ATXN7L1: variants seen among roughly 807,000 people sequenced by gnomAD.
The protein encoded by ATXN7L1 is ataxin 7 like 1, also known as ataxin-7-like protein 1.
In ATXN7L1, 15 loss-of-function variants were observed where a neutral mutation model predicts 70.8. The observed-to-expected ratio is 0.21, with a 90% CI of 0.14 to 0.33. ATXN7L1 has a LOEUF of 0.33. Among genes scored for constraint, ATXN7L1 ranks in the 10% least tolerant of loss-of-function variants. The pLI, the probability that ATXN7L1 is intolerant of heterozygous loss-of-function variation, is 1.00. For missense variants in ATXN7L1, 975 were observed against 1,097.1 expected (o/e 0.89, Z 1.57); for synonymous variants, 440 against 445.1 (o/e 0.99, Z 0.14).
chr7:105,806,365 C>T (rs1048605984), intron 2 of ATXN7L1, among the ~76,000 whole-genome samples: 5 of 152,110 alleles, frequency 3.3e-5, no homozygotes, highest in African/African-American at 9.7e-5. Context: ...ACTCACCATG[C>T]GGGCACCCTG....
intron 3 of ATXN7L1, among the ~76,000 whole-genome samples, chr7:105,715,875 G>C (rs917719789): frequency 3.3e-5 from 5 of 152,146 alleles, no homozygotes; most frequent in African/African-American, 1.2e-4. Flanking sequence ...CTCCATTTCT[G>C]GGCATATGGA....
At chr7:105,618,304 T>TGTA (rs1794228879) in intron 9 of ATXN7L1, among the ~76,000 whole-genome samples, 1 of 152,206 alleles carries the variant, frequency 6.6e-6, no homozygotes, top group African/African-American at 2.4e-5. Flanking sequence ...TCACCCCACG[T>TGTA]GTAGCACCAA....
intron 2 of ATXN7L1, among the ~76,000 whole-genome samples, chr7:105,856,428 A>G (rs538721846): frequency 1.3e-5 from 2 of 152,210 alleles, no homozygotes; most frequent in South Asian, 4.1e-4. Flanking sequence ...TCTATTAAAA[A>G]TACAAAAATT....
chr7:105,790,343 T>A (rs1275402650), intron 2 of ATXN7L1, among the ~76,000 whole-genome samples: 1 of 152,188 alleles, frequency 6.6e-6, no homozygotes, highest in Non-Finnish European at 1.5e-5. Context: ...GGCTTACACC[T>A]GTAATCCCAG....
intron 2 of ATXN7L1, among the ~76,000 whole-genome samples, chr7:105,829,411 C>A (rs1811299504): frequency 6.6e-6 from 1 of 152,150 alleles, no homozygotes; most frequent in South Asian, 2.1e-4. Context: ...CCATTGCACT[C>A]ATTGCACTCC....
At chr7:105,863,709 G>A (rs1236308082) in intron 2 of ATXN7L1, among the ~76,000 whole-genome samples, 2 of 152,130 alleles carry the variant, frequency 1.3e-5, no homozygotes, top group Non-Finnish European at 2.9e-5. Flanking sequence ...ACCTCTCTGA[G>A]CCTCAGCTTC....
intron 3 of ATXN7L1, among the ~76,000 whole-genome samples, chr7:105,718,185 G>A (rs1285530751): frequency 1.3e-5 from 2 of 152,276 alleles, no homozygotes; most frequent in African/African-American, 2.4e-5. Context: ...ACCTTGGATC[G>A]AGTCCTGTAG....
At chr7:105,858,493 G>A (rs539684060) in intron 2 of ATXN7L1, among the ~76,000 whole-genome samples, 1 of 152,318 alleles carries the variant, frequency 6.6e-6, no homozygotes, top group East Asian at 1.9e-4. Flanking sequence ...TGAATGCCCA[G>A]AGGATTCCAC....
At chr7:105,733,526 C>T (rs1563048457) in intron 3 of ATXN7L1, among the ~76,000 whole-genome samples, 23 of 120,556 alleles carry the variant, frequency 1.9e-4, no homozygotes, top group African/African-American at 6.8e-4. Context: ...ACCCATCCAT[C>T]CATCCATCCA....
At chr7:105,766,022 GA>G (rs1383809120) in intron 3 of ATXN7L1, among the ~76,000 whole-genome samples, 4 of 152,082 alleles carry the variant, frequency 2.6e-5, no homozygotes, top group Admixed American at 1.3e-4. Context: ...GGCCACAGAA[GA>G]AATCAAAACT....
chr7:105,735,623 T>C (rs1350653256), intron 3 of ATXN7L1, among the ~76,000 whole-genome samples: 1 of 152,218 alleles, frequency 6.6e-6, no homozygotes, highest in Non-Finnish European at 1.5e-5. Context: ...TTTCAACAAT[T>C]AATATCCCGT....
At chr7:105,804,505 C>A (rs1313803020) in intron 2 of ATXN7L1, among the ~76,000 whole-genome samples, 2 of 152,174 alleles carry the variant, frequency 1.3e-5, no homozygotes, top group Admixed American at 6.5e-5. Context: ...GAAGGGGAAG[C>A]ATTTCAGGGT....
intron 3 of ATXN7L1, chr7:105,678,969 T>C (rs1284013732): frequency 5.7e-6 from 4 of 703,102 alleles, no homozygotes; most frequent in Non-Finnish European, 7.0e-6. Flanking sequence ...CAGCATGATC[T>C]GCCTGCCAGG....
chr7:105,778,343 A>AC (rs1263368354), intron 3 of ATXN7L1, among the ~76,000 whole-genome samples: 2 of 114,718 alleles, frequency 1.7e-5, no homozygotes, highest in East Asian at 4.6e-4. Flanking sequence ...CCGCATCTCT[A>AC]CAAAAAAAAA....
intron 3 of ATXN7L1, among the ~76,000 whole-genome samples, chr7:105,767,968 A>C (rs995203746): frequency 2.0e-5 from 3 of 152,200 alleles, no homozygotes; most frequent in African/African-American, 7.2e-5. Context: ...ATTTGTTTCT[A>C]AATTCAGGCC....
At chr7:105,764,498 A>G (rs987828430) in intron 3 of ATXN7L1, among the ~76,000 whole-genome samples, 2 of 152,200 alleles carry the variant, frequency 1.3e-5, no homozygotes, top group Non-Finnish European at 2.9e-5. Flanking sequence ...CAAGCCCTCC[A>G]GGGGATTCTG....
intron 7 of ATXN7L1, among the ~76,000 whole-genome samples, chr7:105,633,376 T>A (rs956169069): frequency 6.6e-6 from 1 of 152,198 alleles, no homozygotes; most frequent in Non-Finnish European, 1.5e-5. Flanking sequence ...ATTCTAATTA[T>A]TTAAGCACAG....
intron 3 of ATXN7L1, among the ~76,000 whole-genome samples, chr7:105,711,468 T>C (rs1398101968): frequency 1.3e-5 from 2 of 152,204 alleles, no homozygotes; most frequent in Non-Finnish European, 2.9e-5. Flanking sequence ...CCAAGATACA[T>C]TGGGGGTACA....
intron 2 of ATXN7L1, chr7:105,819,787 G>A: frequency 1.5e-6 from 1 of 672,912 alleles, no homozygotes; most frequent in Non-Finnish European, 2.8e-6. Flanking sequence ...GGCCGCCCTG[G>A]AGCGCCTCAA....
Sources: allele counts gnomAD v4.1 joint callset (sites outside exome capture counted in the v4.1 genomes callset), GRCh38; gene constraint gnomAD v4.1.1; transcripts MANE v1.5; gene names NCBI Gene and HGNC (gene_info 2026-07-23, HGNC 2026-07-21).